The following NFYC variants were observed in gnomAD, a reference collection of about 807,000 sequenced individuals.
NFYC encodes nuclear transcription factor Y subunit gamma.
Under a neutral mutation model 53.1 loss-of-function variants are expected in NFYC, and 25 were observed. The ratio of observed to expected loss-of-function variants is 0.47; its 90% CI spans 0.34 to 0.66. The LOEUF (loss-of-function observed/expected upper bound fraction) is 0.66. Ranked by LOEUF, NFYC falls within the 30% of genes least tolerant of loss-of-function variation. NFYC has a pLI of 0.01. For synonymous variants in NFYC, 145 were observed against 152.6 expected, an observed-to-expected ratio of 0.95 and a Z score of 0.37; for missense variants, 260 against 422.7, an observed-to-expected ratio of 0.62 and a Z score of 3.38.
At chr1:40,726,550 C>G (rs1644528931) in intron 1 of NFYC, among the ~76,000 whole-genome samples, 1 of 152,114 alleles carries the variant, frequency 6.6e-6, no homozygotes, top group Non-Finnish European at 1.5e-5. Flanking sequence ...GCTGGGACTA[C>G]AGACACGTGC....
intron 4 of NFYC, among the ~76,000 whole-genome samples, chr1:40,750,242 TATA>T (rs1645839486): frequency 2.0e-5 from 3 of 152,098 alleles, no homozygotes; most frequent in Non-Finnish European, 4.4e-5. Context: ...ACCCTCACCC[TATA>T]GCCAAGCCCT....
intron 1 of NFYC, among the ~76,000 whole-genome samples, chr1:40,700,422 A>C (rs894101937): frequency 5.3e-5 from 8 of 152,060 alleles, no homozygotes; most frequent in Non-Finnish European, 7.4e-5. Flanking sequence ...GCTCAATGCA[A>C]CCTCAAACTT....
intron 1 of NFYC, among the ~76,000 whole-genome samples, chr1:40,692,660 C>G (rs1269462139): frequency 1.3e-5 from 2 of 152,118 alleles, no homozygotes; most frequent in African/African-American, 2.4e-5. Context: ...AGCATTCAAA[C>G]ACTGAGGTTT....
intron 1 of NFYC, among the ~76,000 whole-genome samples, chr1:40,736,763 G>A (rs990798269): frequency 1.5e-5 from 2 of 134,948 alleles, no homozygotes; most frequent in African/African-American, 2.8e-5. Context: ...GCTCATTTTC[G>A]ATTTTGGATT....
intron 7 of NFYC, 25 bp downstream of exon 7, chr1:40,763,071 T>A: frequency 6.5e-7 from 1 of 1,542,534 alleles, no homozygotes; most frequent in Non-Finnish European, 8.7e-7. Context: ...GAGGTCTGTC[T>A]TTACAACTTT....
At chr1:40,733,300 G>C (rs932766186) in intron 1 of NFYC, among the ~76,000 whole-genome samples, 4 of 151,646 alleles carry the variant, frequency 2.6e-5, no homozygotes, top group Non-Finnish European at 5.9e-5. Flanking sequence ...CCAAGGGAGG[G>C]ACCAGTTCCA....
At chr1:40,692,753 A>C (rs542598490) in intron 1 of NFYC, among the ~76,000 whole-genome samples, 56 of 152,270 alleles carry the variant, frequency 3.7e-4, no homozygotes, top group African/African-American at 1.3e-3. Flanking sequence ...TGCTATTGAG[A>C]AGTGTGCTCT....
chr1:40,756,278 A>G (rs1250948829), intron 5 of NFYC, among the ~76,000 whole-genome samples: 1 of 152,192 alleles, frequency 6.6e-6, no homozygotes, highest in African/African-American at 2.4e-5. Context: ...TATAATGATG[A>G]TAAGTTGGGG....
intron 1 of NFYC, among the ~76,000 whole-genome samples, chr1:40,726,247 A>G (rs991405959): frequency 1.3e-5 from 2 of 151,954 alleles, no homozygotes; most frequent in African/African-American, 4.8e-5. Context: ...CTTCCCAAGT[A>G]GCTGGGATTG....
intron 7 of NFYC, among the ~76,000 whole-genome samples, chr1:40,764,346 T>C (rs1249254919): frequency 6.6e-6 from 1 of 152,224 alleles, no homozygotes. Flanking sequence ...AACATAGTAA[T>C]AGGCCAAGAG....
At chr1:40,710,691 C>G (rs1412942442) in intron 1 of NFYC, among the ~76,000 whole-genome samples, 3 of 152,128 alleles carry the variant, frequency 2.0e-5, no homozygotes, top group Non-Finnish European at 4.4e-5. Context: ...GGAGAAGTTT[C>G]GAGGGTGTCG....
At chr1:40,730,420 A>G (rs1187100397) in intron 1 of NFYC, 1 of 204,384 alleles carries the variant, frequency 4.9e-6, no homozygotes, top group East Asian at 1.8e-4. Context: ...TAAGTGGCGT[A>G]ATTTCAGTAT....
Position 40,770,929 on chromosome 1 carries a change from A to C in NFYC, c.*101A>C. 7.7e-7 allele frequency: 1 copy of C among 1,304,040 alleles called. No individual in the cohort carries two copies. Among genetic ancestry groups the C allele is most frequent in the Non-Finnish European group, 1.1e-6 (1 of 930,022 alleles). 80.8% of individuals were successfully genotyped at this position (1,304,040 alleles called of 1,614,324 possible). A position where few individuals can be genotyped will look rare whatever the true frequency, so the allele number is the denominator to read the frequency against. ...CTCCCCAGAGGACCCGGCCGACCTC[A>C]GCGCCTCCTGCAGGCTAGGACACTG... is the stretch of plus-strand genomic sequence containing the variant. On this transcript the variant is annotated 3_prime_UTR_variant, in exon 10 of 10. Transcript: ENST00000447388. The surrounding 1 kb of genome is among the most constrained non-coding windows in gnomAD (Gnocchi z 5.3).
intron 1 of NFYC, among the ~76,000 whole-genome samples, chr1:40,732,643 C>T (rs973181676): frequency 6.6e-6 from 1 of 152,206 alleles, no homozygotes; most frequent in African/African-American, 2.4e-5. Context: ...TATTTATCTT[C>T]CTCCTACTTA....
intron 7 of NFYC, among the ~76,000 whole-genome samples, chr1:40,764,393 C>G (rs1351690084): frequency 6.6e-6 from 1 of 152,232 alleles, no homozygotes; most frequent in Non-Finnish European, 1.5e-5. Context: ...GTCTCTTTCT[C>G]TACCTCTCTC....
chr1:40,749,280 G>A (rs910085595), intron 3 of NFYC, among the ~76,000 whole-genome samples: 10 of 152,140 alleles, frequency 6.6e-5, no homozygotes, highest in Admixed American at 6.5e-4. Flanking sequence ...CTCTATGGCT[G>A]TGGGCAAGTC....
intron 1 of NFYC, among the ~76,000 whole-genome samples, chr1:40,696,448 G>C (rs1038088941): frequency 1.3e-5 from 2 of 152,244 alleles, no homozygotes; most frequent in Non-Finnish European, 2.9e-5. Context: ...GCGAACTTCA[G>C]TTCTTTCAGG....
Position 40,770,509 on chromosome 1 carries a change from A to AC in NFYC, c.889-193dup, listed in dbSNP as rs750033303. On this transcript the variant is annotated intron_variant, in intron 9 of 9. Transcript: ENST00000447388. This position sits in a 1 kb window ranked among gnomAD's most constrained non-coding sequence, Gnocchi z 5.3. ...TGCACCTCTTCCCTGCCCACCACAC[A>AC]CCCCCCCTCACACCGGGCTGGTGCC... 15 of 1,552,978 alleles carry AC rather than the reference A, an allele frequency of 9.7e-6. No homozygotes were observed. The highest frequency in any genetic ancestry group is 2.0e-5 in the Admixed American group (1 of 50,978).
At chr1:40,759,030 T>C (rs1472111266) in intron 6 of NFYC, among the ~76,000 whole-genome samples, 2 of 152,184 alleles carry the variant, frequency 1.3e-5, no homozygotes, top group Non-Finnish European at 2.9e-5. Flanking sequence ...ACTTAAAGGT[T>C]GTACCACCAC....
Sources: allele counts gnomAD v4.1 joint callset (sites outside exome capture counted in the v4.1 genomes callset), GRCh38; gene constraint gnomAD v4.1.1; non-coding constraint Gnocchi (gnomAD v3.1); transcripts MANE v1.5; gene names NCBI Gene and HGNC (gene_info 2026-07-23, HGNC 2026-07-21).